The following DMXL2 variants were observed in gnomAD, a reference collection of about 807,000 sequenced individuals.
DMXL2 encodes the protein Dmx like 2, also known as dmX-like protein 2.
A neutral mutation model predicts 331.1 loss-of-function variants in DMXL2; 103 were observed. The ratio of observed to expected loss-of-function variants is 0.31; its 90% CI spans 0.27 to 0.37. The LOEUF is 0.37. Ranked by LOEUF, DMXL2 falls within the 10% of genes least tolerant of loss-of-function variation. The pLI, the probability that DMXL2 is intolerant of heterozygous loss-of-function variation, is 1.00. For missense variants in DMXL2, 3,171 were observed against 3,642.9 expected (o/e 0.87, Z 3.33); for synonymous variants, 1,281 against 1,252.1 (o/e 1.02, Z -0.49).
chr15:51,523,348 T>C (rs968326958), intron 13 of DMXL2, among the ~76,000 whole-genome samples: 2 of 152,216 alleles, frequency 1.3e-5, no homozygotes, highest in African/African-American at 4.8e-5. Context: ...CCTTATAGCA[T>C]GGGGGTCTCA....
Position 51,518,737 on chromosome 15 carries a change from T to C in DMXL2, c.2437-1570A>G, listed in dbSNP as rs1470486408. Among the ~76,000 whole-genome samples, 4 of 152,114 alleles carry C rather than the reference T, an allele frequency of 2.6e-5. No individual in the cohort carries two copies. The East Asian group carries it at 7.7e-4, about 29-fold the overall frequency. ...CAAGGTTGAGATCCCCTCACAAGAATAGTTATGTATTCCAGCTAAGGATTT... is the reference window on the plus strand; with the variant it reads ...CAAGGTTGAGATCCCCTCACAAGAACAGTTATGTATTCCAGCTAAGGATTT... On this transcript the variant is annotated intron_variant, in intron 13 of 43. Transcript: ENST00000560891.
Position 51,502,904 on chromosome 15 carries a change from T to G in DMXL2, c.2894A>C (p.Gln965Pro). ...ACTCAGAATAAGTTTACTGGCAGTT[T>G]GAAGATTGGCAATTGATGAAGAATG... ...MPHSSSIANL[Q>P]TASKLILSSR... is the part of the protein sequence containing the mutation. The change falls in exon 17 of 44, where the codon CAA becomes CCA. Residue 965 changes from glutamine (Q) to proline (P), a missense_variant. This residue lies in a region of DMXL2 where 1,674 missense variants were observed against 1,780.2 expected (regional missense o/e 0.94). Transcript: ENST00000560891. 1 of 1,614,142 alleles carries G rather than the reference T, an allele frequency of 6.2e-7. No homozygotes were observed. Among genetic ancestry groups the G allele is most frequent in the Non-Finnish European group, 8.5e-7 (1 of 1,180,016 alleles).
At chr15:51,527,046 G>A (rs1455684241) in intron 13 of DMXL2, among the ~76,000 whole-genome samples, 2 of 152,144 alleles carry the variant, frequency 1.3e-5, no homozygotes, top group Admixed American at 6.5e-5. Context: ...GAAGGCTATA[G>A]AACGCCAAGC....
Position 51,488,591 on chromosome 15 carries a change from A to G in DMXL2, c.5008T>C (p.Tyr1670His), listed in dbSNP as rs757722754. ...NNDALDAALF[Y>H]LSMKKKAVVW... ...ACTGCTTTCTTCTTCATTGAAAGGT[A>G]GAATAGTGCAGCATCTAAGGCATCA... Residue 1670 changes from tyrosine to histidine, a missense_variant, in exon 21 of 44, where the codon TAC becomes CAC. Around this residue, in one of 7 missense-constraint regions of DMXL2, gnomAD observed 252 missense variants for 387.4 expected, o/e 0.65. Coordinates refer to ENST00000560891, the MANE Select transcript of DMXL2 (RefSeq NM_001378457.1). The G allele has an allele frequency of 3.7e-6, 6 of 1,613,560 alleles. No individual in the cohort carries two copies. The highest frequency in any genetic ancestry group is 4.2e-6 in the Non-Finnish European group (5 of 1,179,840).
At chr15:51,503,426 C>T (rs1043800952) in intron 16 of DMXL2, among the ~76,000 whole-genome samples, 1 of 152,118 alleles carries the variant, frequency 6.6e-6, no homozygotes, top group Admixed American at 6.5e-5. Context: ...TGCAGCAACA[C>T]AGTTGGAAAT....
intron 1 of DMXL2, among the ~76,000 whole-genome samples, chr15:51,614,939 G>T (rs1334165010): frequency 6.6e-6 from 1 of 152,210 alleles, no homozygotes; most frequent in Non-Finnish European, 1.5e-5. Flanking sequence ...AGATTCAACT[G>T]CCATTATCCA....
At chr15:51,594,306 A>G (rs2052622985) in intron 1 of DMXL2, among the ~76,000 whole-genome samples, 1 of 152,224 alleles carries the variant, frequency 6.6e-6, no homozygotes, top group African/African-American at 2.4e-5. Context: ...AATAAACTAG[A>G]AAATCTAGAA....
intron 1 of DMXL2, among the ~76,000 whole-genome samples, chr15:51,585,478 A>C (rs1369327131): frequency 1.3e-5 from 2 of 152,170 alleles, no homozygotes; most frequent in Non-Finnish European, 2.9e-5. Flanking sequence ...GCCATAATTA[A>C]TTTTGGTTGT....
chr15:51,588,025 T>C (rs1233171676), intron 1 of DMXL2, among the ~76,000 whole-genome samples: 4 of 152,340 alleles, frequency 2.6e-5, no homozygotes, highest in East Asian at 1.9e-4. Flanking sequence ...TGTTTGTTTT[T>C]TTCTTGTAAA....
chr15:51,542,201 A>T, intron 9 of DMXL2, 132 bp downstream of exon 9: 1 of 845,954 alleles, frequency 1.2e-6, no homozygotes, highest in Non-Finnish European at 1.8e-6. Context: ...ACTTTATATT[A>T]TATCTCTACT....
At chr15:51,481,887 T>TAA (rs2042041221) in intron 23 of DMXL2, among the ~76,000 whole-genome samples, 1 of 152,186 alleles carries the variant, frequency 6.6e-6, no homozygotes, top group African/African-American at 2.4e-5. Flanking sequence ...GTACATGTAG[T>TAA]AAGCTACCTT....
At chr15:51,542,142 C>T (rs963228501) in intron 9 of DMXL2, among the ~76,000 whole-genome samples, 191 bp downstream of exon 9, 1 of 152,008 alleles carries the variant, frequency 6.6e-6, no homozygotes, top group Non-Finnish European at 1.5e-5. Context: ...AAGTTAATAC[C>T]CTGAGAATCA....
At chr15:51,556,678 G>A (rs1307906527) in intron 6 of DMXL2, among the ~76,000 whole-genome samples, 2 of 151,834 alleles carry the variant, frequency 1.3e-5, no homozygotes, top group Non-Finnish European at 2.9e-5. Flanking sequence ...AAGCTGAAAT[G>A]GGAGAAATAC....
chr15:51,576,284 T>C (rs2051038419), intron 1 of DMXL2, 103 bp from the exon 2 acceptor site: 1 of 879,092 alleles, frequency 1.1e-6, no homozygotes, highest in Non-Finnish European at 1.6e-6. Context: ...CATTATAAAG[T>C]ATACCTTGGG....
chr15:51,467,607 G>T (rs2040702264), intron 29 of DMXL2, among the ~76,000 whole-genome samples: 1 of 152,114 alleles, frequency 6.6e-6, no homozygotes, highest in Non-Finnish European at 1.5e-5. Context: ...TGCTAATAAG[G>T]GGGTAAAGTT....
rs767301808 is a variant in DMXL2, at chr15:51,465,623, T to C, written c.7549A>G (p.Lys2517Glu). 6.2e-7 allele frequency: 1 copy of C among 1,606,096 alleles called. No individual in the cohort carries two copies. The highest frequency in any genetic ancestry group is 1.7e-5 in the Admixed American group (1 of 58,198). The change falls in exon 31 of 44, where the codon AAA becomes GAA. Residue 2517 changes from lysine (K) to glutamate (E), a missense_variant. Coordinates refer to ENST00000560891, the MANE Select transcript of DMXL2 (RefSeq NM_001378457.1). Reference sequence around the variant, plus strand: ...TTCTTGACATTGTGAAGTGCTAGTTTAACCATTGTCAAATGTAGAAGAGCC... The same window carrying C: ...TTCTTGACATTGTGAAGTGCTAGTTCAACCATTGTCAAATGTAGAAGAGCC... Reference protein sequence around the residue: ...SWALLHLTMVKLALHNVKNFF... With the variant: ...SWALLHLTMVELALHNVKNFF...
chr15:51,458,405 A>C, intron 36 of DMXL2, 101 bp downstream of exon 36: 1 of 1,265,498 alleles, frequency 7.9e-7, no homozygotes, highest in Non-Finnish European at 1.1e-6. Flanking sequence ...CAAATGAAGG[A>C]GATACACGTA....
At chr15:51,514,610 T>G in intron 14 of DMXL2, 51 bp from the exon 15 acceptor site, 1 of 1,082,672 alleles carries the variant, frequency 9.2e-7, no homozygotes, top group South Asian at 1.4e-5. Flanking sequence ...ATTCCCTGTC[T>G]CCCATCTCCC....
At chr15:51,562,371 C>T (rs547354558) in intron 6 of DMXL2, among the ~76,000 whole-genome samples, 1 of 152,232 alleles carries the variant, frequency 6.6e-6, no homozygotes, top group South Asian at 2.1e-4. Context: ...TTTTCCCATT[C>T]ACCTTTCTTC....
Sources: gnomAD v4.1 joint callset for allele counts (sites outside exome capture counted in the v4.1 genomes callset) on GRCh38, gnomAD v4.1.1 for gene constraint, gnomAD v4.1.1 regional missense constraint, MANE v1.5 for transcripts, NCBI Gene and HGNC (gene_info 2026-07-23, HGNC 2026-07-21) for gene names.